Variants in KLHL1 observed in about 807,000 individuals in gnomAD.
KLHL1 encodes kelch-like protein 1.
KLHL1 carries 47 observed loss-of-function variants against 77.7 expected under a neutral mutation model. The ratio of observed to expected loss-of-function variants is 0.60; its 90% CI spans 0.48 to 0.77. The LOEUF is 0.77. KLHL1 is among the 30% of genes least tolerant of loss of function. The pLI, the probability that KLHL1 is intolerant of heterozygous loss-of-function variation, is 0.00. For synonymous variants in KLHL1, 360 were observed against 325.2 expected (o/e 1.11, Z -1.15); for missense variants, 925 against 910.8 (o/e 1.02, Z -0.20).
At chr13:70,040,063 T>C (rs1463940406) in intron 1 of KLHL1, among the ~76,000 whole-genome samples, 1 of 152,290 alleles carries the variant, frequency 6.6e-6, no homozygotes, top group East Asian at 1.9e-4. Flanking sequence ...TGTAATGAAA[T>C]GTCAAAATCA....
At chr13:69,816,981 T>A (rs1330209857) in intron 6 of KLHL1, among the ~76,000 whole-genome samples, 3 of 151,280 alleles carry the variant, frequency 2.0e-5, no homozygotes, top group Non-Finnish European at 3.0e-5. Context: ...AATAAATAAA[T>A]AAAAATAAAT....
intron 1 of KLHL1, among the ~76,000 whole-genome samples, chr13:70,090,338 TG>T (rs1424435529): frequency 6.6e-6 from 1 of 152,052 alleles, no homozygotes; most frequent in Non-Finnish European, 1.5e-5. Context: ...ATAGAAGTAC[TG>T]AGTTTGAGGG....
chr13:69,769,527 T>C (rs1338528577), intron 7 of KLHL1, among the ~76,000 whole-genome samples: 1 of 151,960 alleles, frequency 6.6e-6, no homozygotes, highest in Non-Finnish European at 1.5e-5. Flanking sequence ...CTAGTTAGAG[T>C]CTGTGACTGG....
intron 7 of KLHL1, among the ~76,000 whole-genome samples, chr13:69,776,795 C>T (rs559997651): frequency 6.6e-6 from 1 of 152,210 alleles, no homozygotes; most frequent in Middle Eastern, 3.4e-3. Flanking sequence ...GAGGTGGTAA[C>T]TTCTGTAGTT....
At chr13:69,730,950 A>G (rs1873518482) in intron 8 of KLHL1, among the ~76,000 whole-genome samples, 2 of 152,166 alleles carry the variant, frequency 1.3e-5, no homozygotes, top group South Asian at 4.1e-4. Context: ...GGATAGTTTT[A>G]CTTTTAATAT....
intron 4 of KLHL1, among the ~76,000 whole-genome samples, chr13:69,927,713 A>G (rs367774551): frequency 2.6e-5 from 4 of 152,228 alleles, no homozygotes; most frequent in African/African-American, 9.6e-5. Context: ...ACTATTTTAC[A>G]CATACTAGGA....
At chr13:69,844,439 A>G (rs1452250088) in intron 5 of KLHL1, among the ~76,000 whole-genome samples, 2 of 151,664 alleles carry the variant, frequency 1.3e-5, no homozygotes, top group African/African-American at 4.8e-5. Context: ...CTATTGTTGT[A>G]TATTTTTAAA....
intron 7 of KLHL1, among the ~76,000 whole-genome samples, chr13:69,774,335 G>T (rs943897718): frequency 6.6e-6 from 1 of 151,860 alleles, no homozygotes; most frequent in African/African-American, 2.4e-5. Context: ...CGGATATAAA[G>T]TATTGTGATT....
At chr13:69,741,456 C>T (rs907823633) in intron 7 of KLHL1, among the ~76,000 whole-genome samples, 1 of 152,098 alleles carries the variant, frequency 6.6e-6, no homozygotes, top group Non-Finnish European at 1.5e-5. Flanking sequence ...CAAATTTATG[C>T]ATATTGATTA....
intron 3 of KLHL1, among the ~76,000 whole-genome samples, chr13:69,956,215 A>G (rs948576866): frequency 6.9e-6 from 1 of 144,370 alleles, no homozygotes; most frequent in South Asian, 2.1e-4. Context: ...TGTTTAAACC[A>G]AAATAAGATA....
At chr13:69,757,785 G>T (rs572276056) in intron 7 of KLHL1, among the ~76,000 whole-genome samples, 2 of 138,380 alleles carry the variant, frequency 1.4e-5, no homozygotes, top group Non-Finnish European at 3.2e-5. Flanking sequence ...GTGAAATCTC[G>T]TCCCTACTAA....
At chr13:69,903,601 T>C (rs989818133) in intron 4 of KLHL1, among the ~76,000 whole-genome samples, 2 of 150,472 alleles carry the variant, frequency 1.3e-5, no homozygotes, top group African/African-American at 2.5e-5. Context: ...TTTTTGCAGA[T>C]TCCTTTGCAG....
At chr13:69,702,344 C>T (rs904808822) in intron 10 of KLHL1, among the ~76,000 whole-genome samples, 1 of 151,504 alleles carries the variant, frequency 6.6e-6, no homozygotes, top group African/African-American at 2.4e-5. Context: ...TTTAATAATG[C>T]TGAATATGAA....
intron 8 of KLHL1, among the ~76,000 whole-genome samples, chr13:69,730,456 C>T (rs539421921): frequency 6.6e-5 from 10 of 151,852 alleles, no homozygotes; most frequent in Admixed American, 6.6e-4. Context: ...AAGAAAAAGT[C>T]ACTAAATAAC....
At chr13:70,028,971 A>G (rs2501196) in intron 1 of KLHL1, among the ~76,000 whole-genome samples, 149,807 of 150,892 alleles carry the variant, frequency 0.99, 74,375 homozygotes, top group East Asian at 1. Flanking sequence ...GACAGAGTGA[A>G]AACTTGTTAA....
chr13:69,922,487 T>A (rs910786007), intron 4 of KLHL1, among the ~76,000 whole-genome samples: 2 of 152,212 alleles, frequency 1.3e-5, no homozygotes, highest in Non-Finnish European at 2.9e-5. Flanking sequence ...AGCTTATACT[T>A]ATTATGTTTG....
At chr13:69,950,985 T>A (rs566449359) in intron 3 of KLHL1, among the ~76,000 whole-genome samples, 1 of 151,774 alleles carries the variant, frequency 6.6e-6, no homozygotes, top group East Asian at 1.9e-4. Flanking sequence ...ATATTTTGAA[T>A]ACTCAAATGA....
At chr13:70,016,308 A>G (rs1885656332) in intron 1 of KLHL1, among the ~76,000 whole-genome samples, 1 of 152,148 alleles carries the variant, frequency 6.6e-6, no homozygotes, top group South Asian at 2.1e-4. Flanking sequence ...CCTGCCCCCT[A>G]CTGAGTTAAA....
intron 4 of KLHL1, among the ~76,000 whole-genome samples, chr13:69,917,373 A>G (rs1016780178): frequency 1.3e-5 from 2 of 152,154 alleles, no homozygotes; most frequent in African/African-American, 2.4e-5. Context: ...CAAAAGTAAG[A>G]AACTCCATAT....
Sources: allele counts gnomAD v4.1 joint callset (sites outside exome capture counted in the v4.1 genomes callset), GRCh38; gene constraint gnomAD v4.1.1; transcripts MANE v1.5; gene names NCBI Gene and HGNC (gene_info 2026-07-23, HGNC 2026-07-21).